Variants in LRRC37A observed in about 807,000 individuals in gnomAD.
LRRC37A encodes the protein leucine rich repeat containing 37A, also known as leucine-rich repeat-containing protein 37A.
Under a neutral mutation model 35.4 loss-of-function variants are expected in LRRC37A, and 3 were observed. The observed-to-expected ratio is 0.08, with a 90% CI of 0.04 to 0.22. LRRC37A has a LOEUF of 0.22. Among genes scored for constraint, LRRC37A ranks in the 10% least tolerant of loss-of-function variants. The probability of loss-of-function intolerance (pLI) is 1.00; values close to 1 mark genes in which losing one functional copy is unlikely to be tolerated. For synonymous variants in LRRC37A, 23 were observed against 215.0 expected, an observed-to-expected ratio of 0.11 and a Z score of 7.81; for missense variants, 67 against 565.3, an observed-to-expected ratio of 0.12 and a Z score of 8.94.
chr17:46,274,563 T>C, the LRRC37A span, among the ~76,000 whole-genome samples: 1 of 152,036 alleles, frequency 6.6e-6, no homozygotes, highest in Non-Finnish European at 1.5e-5. Flanking sequence ...TGATAAGATA[T>C]GGATGGATTA....
chr17:46,317,269 T>C (rs1484309781), intron 5 of LRRC37A, among the ~76,000 whole-genome samples: 1 of 81,460 alleles, frequency 1.2e-5, no homozygotes, highest in Non-Finnish European at 3.7e-5. Flanking sequence ...CTTCAAGCAA[T>C]TCTTGAGCCT....
Position 46,300,210 on chromosome 17 carries a change from C to A in LRRC37A, c.2681+345C>A, listed in dbSNP as rs1195150585. ...CTCACTGCAGCCTTCACCTCCCAGG[C>A]CCAAGTGATCCTCTCACCTCAGCCT... On this transcript the variant is annotated intron_variant, in intron 2 of 13. Transcript: ENST00000320254. Among the ~76,000 whole-genome samples, 2 of 35,182 alleles carry A rather than the reference C, an allele frequency of 5.7e-5. 1 individual carries two copies. Among genetic ancestry groups the A allele is most frequent in the Admixed American group, 6.6e-4 (2 of 3,052 alleles). 23.1% of individuals were successfully genotyped at this position (35,182 alleles called of 152,430 possible).
At chr17:46,256,246 G>A in the LRRC37A span, among the ~76,000 whole-genome samples, 9 of 152,034 alleles carry the variant, frequency 5.9e-5, no homozygotes, top group Non-Finnish European at 1.0e-4. Context: ...TTAGCTGGGC[G>A]TGGTGGCGCA....
the LRRC37A span, among the ~76,000 whole-genome samples, chr17:46,251,496 G>A: frequency 6.6e-6 from 1 of 151,824 alleles, no homozygotes; most frequent in African/African-American, 2.4e-5. Context: ...AACCTTAGGT[G>A]ATCAGCCCAC....
chr17:46,282,248 G>A, the LRRC37A span, among the ~76,000 whole-genome samples: 31 of 149,750 alleles, frequency 2.1e-4, no homozygotes, highest in African/African-American at 6.4e-4. Context: ...GACTACAGGC[G>A]TCTGCCACCA....
At chr17:46,280,562 T>G in the LRRC37A span, among the ~76,000 whole-genome samples, 1 of 145,122 alleles carries the variant, frequency 6.9e-6, no homozygotes, top group African/African-American at 2.6e-5. Context: ...TTATTTTTGA[T>G]AGCACACTTT....
At chr17:46,284,714 C>A in the LRRC37A span, among the ~76,000 whole-genome samples, 1 of 152,218 alleles carries the variant, frequency 6.6e-6, no homozygotes, top group Non-Finnish European at 1.5e-5. Flanking sequence ...AGTGTGGAAT[C>A]ATTACCACAG....
At chr17:46,290,900 T>TA (rs111769986), upstream of LRRC37A, among the ~76,000 whole-genome samples, 21,441 of 151,810 alleles carry the variant, frequency 0.14, 1,870 homozygotes, top group Non-Finnish European at 0.21. Flanking sequence ...GTACCTGAAA[T>TA]AAGTTTGCTG....
chr17:46,272,529 C>T, the LRRC37A span, among the ~76,000 whole-genome samples: 2 of 152,198 alleles, frequency 1.3e-5, no homozygotes, highest in African/African-American at 4.8e-5. Flanking sequence ...ATTCTCCTGC[C>T]TCAGCCTCCC....
chr17:46,280,317 T>G, the LRRC37A span, among the ~76,000 whole-genome samples: 1 of 151,980 alleles, frequency 6.6e-6, no homozygotes, highest in African/African-American at 2.4e-5. Context: ...TGAGGTGAGA[T>G]TGCACCACTG....
chr17:46,268,359 C>A, the LRRC37A span: 1 of 675,946 alleles, frequency 1.5e-6, no homozygotes, highest in Non-Finnish European at 2.0e-6. Flanking sequence ...AGACTGTTTC[C>A]ACCTTGCCTG....
chr17:46,258,204 TATATGAA>T, the LRRC37A span, among the ~76,000 whole-genome samples: 1 of 151,144 alleles, frequency 6.6e-6, no homozygotes, highest in Non-Finnish European at 1.5e-5. Flanking sequence ...TCTAAGTCAT[TATATGAA>T]AGAGATTCTT....
At chr17:46,286,138 T>C in the LRRC37A span, among the ~76,000 whole-genome samples, 2 of 152,272 alleles carry the variant, frequency 1.3e-5, no homozygotes, top group Non-Finnish European at 2.9e-5. Flanking sequence ...GATGGGATGA[T>C]GTTACTTATA....
chr17:46,250,776 C>T, the LRRC37A span, among the ~76,000 whole-genome samples: 1 of 152,232 alleles, frequency 6.6e-6, no homozygotes, highest in African/African-American at 2.4e-5. Context: ...CACCTGTAAT[C>T]CCAGTACTTT....
the LRRC37A span, among the ~76,000 whole-genome samples, chr17:46,269,641 T>C: frequency 6.6e-6 from 1 of 152,044 alleles, no homozygotes; most frequent in Admixed American, 6.6e-5. Flanking sequence ...TACCAAAGAG[T>C]AAGATATAGT....
the LRRC37A span, among the ~76,000 whole-genome samples, chr17:46,283,372 A>C: frequency 6.6e-6 from 1 of 152,274 alleles, no homozygotes; most frequent in African/African-American, 2.4e-5. Context: ...TGGTTCAAGG[A>C]AAGGCTGGGC....
the LRRC37A span, among the ~76,000 whole-genome samples, chr17:46,253,713 C>CAGAGGGAGACCGTGGAAAGAGAGGG: frequency 2.9e-5 from 4 of 137,066 alleles, no homozygotes. Context: ...AGTCCAGCAT[C>CAGAGGGAGACCGTGGAAAGAGAGGG]AGAGGGAGAC....
upstream of LRRC37A, among the ~76,000 whole-genome samples, chr17:46,290,591 T>C (rs1478393596): frequency 1.3e-5 from 2 of 152,014 alleles, no homozygotes; most frequent in Non-Finnish European, 2.9e-5. Flanking sequence ...GGATTACAGG[T>C]GCCTGCCACC....
At chr17:46,267,122 G>C in the LRRC37A span, 2 of 459,662 alleles carry the variant, frequency 4.4e-6, no homozygotes, top group Non-Finnish European at 7.5e-6. Flanking sequence ...GGGCATGGAC[G>C]GGCGAGAGGC....
Sources: gnomAD v4.1 joint callset for allele counts (sites outside exome capture counted in the v4.1 genomes callset) on GRCh38, gnomAD v4.1.1 for gene constraint, MANE v1.5 for transcripts, NCBI Gene and HGNC (gene_info 2026-07-23, HGNC 2026-07-21) for gene names.